TPH1: variants seen among roughly 807,000 people sequenced by gnomAD.
The protein encoded by TPH1 is tryptophan hydroxylase 1.
In TPH1, 37 loss-of-function variants were observed where a neutral mutation model predicts 49.5. The ratio of observed to expected loss-of-function variants is 0.75; its 90% CI spans 0.58 to 0.98. TPH1 has a LOEUF of 0.98. Among genes scored for constraint, TPH1 ranks in the 50% least tolerant of loss-of-function variants. The pLI is 0.00. For missense variants in TPH1, 487 were observed against 523.6 expected (o/e 0.93, Z 0.68); for synonymous variants, 160 against 182.1 (o/e 0.88, Z 0.98).
intron 6 of TPH1, among the ~76,000 whole-genome samples, chr11:18,028,548 C>T (rs555836260): frequency 6.6e-6 from 1 of 152,096 alleles, no homozygotes; most frequent in Non-Finnish European, 1.5e-5. Flanking sequence ...TTAAATAAAG[C>T]TATAACAGCC....
At chr11:18,029,708 ATT>A in intron 4 of TPH1, 129 bp from the exon 5 acceptor site, 1 of 730,836 alleles carries the variant, frequency 1.4e-6, no homozygotes, top group South Asian at 1.7e-5. Flanking sequence ...ATGAGCAAGC[ATT>A]ATTTAGAGAT....
At chr11:18,045,482 C>CT (rs35331311) in intron 1 of TPH1, among the ~76,000 whole-genome samples, 44 of 149,186 alleles carry the variant, frequency 2.9e-4, no homozygotes, top group South Asian at 2.6e-3. Context: ...CCACCCCCCC[C>CT]TTTTTTTTTT....
chr11:18,030,836 C>T (rs1316961262), intron 4 of TPH1, among the ~76,000 whole-genome samples: 1 of 152,082 alleles, frequency 6.6e-6, no homozygotes, highest in Non-Finnish European at 1.5e-5. Flanking sequence ...ATATAAGCAA[C>T]CCCATGTTGC....
intron 2 of TPH1, among the ~76,000 whole-genome samples, chr11:18,038,073 C>T (rs775225920): frequency 2.0e-5 from 3 of 151,994 alleles, no homozygotes; most frequent in Non-Finnish European, 4.4e-5. Flanking sequence ...ATTGGGAAGA[C>T]GAGTGGAAAA....
At position 18,038,966 on chromosome 11, in the gene TPH1, T is replaced by C. The variant is rs137895107; in HGVS notation, c.117+1680A>G. On this transcript the variant is annotated intron_variant, in intron 2 of 10. Coordinates refer to ENST00000682019, the MANE Select transcript of TPH1 (RefSeq NM_004179.3). ...GTTCATAATAGAAAGTAAATGAATA[T>C]AGTGTGAAGTTGATAACTTGAAAAG... Among the ~76,000 whole-genome samples the C allele has an allele frequency of 3.0e-3, 464 of 152,232 alleles. 3 individuals carry two copies. The highest frequency in any genetic ancestry group is 0.027 in the Middle Eastern group (8 of 294).
At chr11:18,031,518 T>C (rs986460883) in intron 4 of TPH1, among the ~76,000 whole-genome samples, 4 of 152,078 alleles carry the variant, frequency 2.6e-5, no homozygotes, top group African/African-American at 9.7e-5. Context: ...AGATGAATAA[T>C]AGTCATATTG....
At chr11:18,040,583 T>C in intron 2 of TPH1, 63 bp downstream of exon 2, 1 of 1,489,576 alleles carries the variant, frequency 6.7e-7, no homozygotes, top group Non-Finnish European at 9.2e-7. Context: ...CCCTATATTT[T>C]AAATATAGTT....
At chr11:18,037,610 A>G (rs1848059111) in intron 2 of TPH1, among the ~76,000 whole-genome samples, 1 of 152,194 alleles carries the variant, frequency 6.6e-6, no homozygotes, top group Admixed American at 6.5e-5. Context: ...TGACTTGAAT[A>G]AATATAAAGC....
chr11:18,026,169 T>C (rs1847927014), intron 7 of TPH1, among the ~76,000 whole-genome samples: 1 of 152,172 alleles, frequency 6.6e-6, no homozygotes, highest in Non-Finnish European at 1.5e-5. Context: ...CTTGTTTGTT[T>C]ATTATCTGTT....
chr11:18,023,165 T>C (rs1854383232), intron 9 of TPH1: 1 of 495,746 alleles, frequency 2.0e-6, no homozygotes, highest in African/African-American at 1.9e-5. Flanking sequence ...TCTTCCTCTC[T>C]TCTTTGTGTA....
intron 4 of TPH1, among the ~76,000 whole-genome samples, chr11:18,031,408 A>T (rs1252540411): frequency 1.3e-5 from 2 of 152,212 alleles, no homozygotes; most frequent in African/African-American, 2.4e-5. Flanking sequence ...TATTATGAAT[A>T]AGGCTGCTAC....
rs917289455 is a variant in TPH1, at chr11:18,023,149, CT to C, written c.1027-219del. ...AATACCCCCAAGATCCTCTCCATGG[CT>C]TTGTTCTTCCTCTCTTCTTTGTGTA... On this transcript the variant is annotated intron_variant, in intron 9 of 10. Coordinates refer to ENST00000682019, the MANE Select transcript of TPH1 (RefSeq NM_004179.3). The C allele has an allele frequency of 2.1e-5, 11 of 520,814 alleles. 1 individual carries two copies. Among genetic ancestry groups the C allele is most frequent in the African/African-American group, 2.1e-4 (11 of 52,144 alleles). The allele number at this position is 520,814 out of a possible 1,614,324, so 32.3% of individuals were successfully genotyped here.
At chr11:18,029,798 T>C (rs1263830626) in intron 4 of TPH1, among the ~76,000 whole-genome samples, 2 of 152,172 alleles carry the variant, frequency 1.3e-5, no homozygotes, top group Non-Finnish European at 2.9e-5. Flanking sequence ...AAAGATATAA[T>C]GGATACAAAG....
At chr11:18,032,842 G>T (rs563288543) in intron 4 of TPH1, among the ~76,000 whole-genome samples, 1 of 151,792 alleles carries the variant, frequency 6.6e-6, no homozygotes, top group African/African-American at 2.4e-5. Flanking sequence ...CACTGCACCC[G>T]GCCCGCTTGT....
chr11:18,030,021 A>ATGCCTCCCAGC (rs1565236525), intron 4 of TPH1, among the ~76,000 whole-genome samples: 6 of 152,222 alleles, frequency 3.9e-5, no homozygotes, highest in African/African-American at 1.2e-4. Flanking sequence ...TTTATCACAA[A>ATGCCTCCCAGC]ATGCAAATAT....
Position 18,036,044 on chromosome 11 carries a change from T to C in TPH1, c.216A>G (p.Gln72=). 1 of 1,612,826 alleles carries C rather than the reference T, an allele frequency of 6.2e-7. No individual in the cohort carries two copies. The highest frequency in any genetic ancestry group is 8.5e-7 in the Non-Finnish European group (1 of 1,179,604). The change falls in exon 3 of 11, where the codon CAA becomes CAG. Residue 72 remains glutamine, a synonymous_variant. Transcript: ENST00000682019. Reference sequence around the variant, plus strand: ...TCAGCAGATGAAAAATATCATTCAATTGTTCTCTGTTGATGTCACAGTCAA... The same window carrying C: ...TCAGCAGATGAAAAATATCATTCAACTGTTCTCTGTTGATGTCACAGTCAA... The part of the protein sequence containing the change: ...IFVDCDINRE[Q]LNDIFHLLKS...
At position 18,020,842 on chromosome 11, in the gene TPH1, C is replaced by G; in HGVS notation, c.*149G>C. ...AATAGAATATCCAGGTACAAATTTT[C>G]AAAGACTAGTGATTCCTTAAGTAGT... On this transcript the variant is annotated 3_prime_UTR_variant, in exon 11 of 11. Coordinates refer to ENST00000682019, the MANE Select transcript of TPH1 (RefSeq NM_004179.3). 1 of 723,274 alleles carries G rather than the reference C, an allele frequency of 1.4e-6. No individual in the cohort carries two copies. The highest frequency in any genetic ancestry group is 1.7e-5 in the South Asian group (1 of 57,758). The allele number at this position is 723,274 out of a possible 1,614,324, so 44.8% of individuals were successfully genotyped here. A position where few individuals can be genotyped will look rare whatever the true frequency, so the allele number is the denominator to read the frequency against.
intron 2 of TPH1, among the ~76,000 whole-genome samples, 169 bp downstream of exon 2, chr11:18,040,477 C>G (rs1848089568): frequency 6.6e-6 from 1 of 151,544 alleles, no homozygotes; most frequent in African/African-American, 2.4e-5. Context: ...AAGCAATCCT[C>G]CCACCCCAGC....
chr11:18,028,175 T>C (rs1159258740), intron 6 of TPH1, among the ~76,000 whole-genome samples: 1 of 152,194 alleles, frequency 6.6e-6, no homozygotes, highest in Non-Finnish European at 1.5e-5. Flanking sequence ...TAGAAAAAAG[T>C]AAAGAGGCCT....
Sources: gnomAD v4.1 joint callset for allele counts (sites outside exome capture counted in the v4.1 genomes callset) on GRCh38, gnomAD v4.1.1 for gene constraint, MANE v1.5 for transcripts, NCBI Gene and HGNC (gene_info 2026-07-23, HGNC 2026-07-21) for gene names.